Variants in CNOT2 observed in about 807,000 individuals in gnomAD.
CNOT2 encodes the protein CC chemokine receptor 4-negative regulator of transcription 2.
CNOT2 carries 7 observed loss-of-function variants against 72.1 expected under a neutral mutation model. That is an observed-to-expected ratio of 0.10 (90% CI 0.06 to 0.18). The LOEUF is 0.18. Ranked by LOEUF, CNOT2 falls within the 10% of genes least tolerant of loss-of-function variation. The pLI is 1.00. For missense variants in CNOT2, 345 were observed against 660.3 expected (o/e 0.52, Z 5.23); for synonymous variants, 196 against 225.6 (o/e 0.87, Z 1.17).
chr12:70,284,278 T>C (rs547561748), intron 2 of CNOT2, among the ~76,000 whole-genome samples: 2 of 146,492 alleles, frequency 1.4e-5, no homozygotes, highest in African/African-American at 5.1e-5. Flanking sequence ...AGGGTCTCAC[T>C]CTGTCACCCA....
intron 3 of CNOT2, among the ~76,000 whole-genome samples, chr12:70,316,968 T>C (rs1877445864): frequency 6.6e-6 from 1 of 152,212 alleles, no homozygotes; most frequent in Non-Finnish European, 1.5e-5. Flanking sequence ...AAGTGTTTTG[T>C]TTGACAATAT....
At chr12:70,279,707 T>C (rs1184419988) in intron 2 of CNOT2, among the ~76,000 whole-genome samples, 1 of 152,206 alleles carries the variant, frequency 6.6e-6, no homozygotes, top group Non-Finnish European at 1.5e-5. Context: ...ATAATCCAAT[T>C]TGTAAAGTGT....
At chr12:70,294,867 A>T (rs1275290432) in intron 2 of CNOT2, among the ~76,000 whole-genome samples, 4 of 152,222 alleles carry the variant, frequency 2.6e-5, no homozygotes, top group African/African-American at 9.6e-5. Flanking sequence ...GTTAACAAAA[A>T]TAAGTATAGA....
chr12:70,337,389 T>G lies in CNOT2; in HGVS notation c.776T>G (p.Val259Gly). The part of the protein sequence containing the change: ...INPLAGRAPY[V>G]GMVTKPANEQ... ...TCTCCGGATTATTTTCATTACATAG[T>G]TGGAATGGTAACAAAACCAGCAAAT... Residue 259 changes from valine (V) to glycine (G), a missense_variant and splice_region_variant, in exon 9 of 16, where the codon GTT becomes GGT. Val to Gly is a moderately radical substitution (Grantham distance 109). Transcript: ENST00000229195. The G allele has an allele frequency of 6.2e-7, 1 of 1,605,846 alleles. No individual in the cohort carries two copies. The highest frequency in any genetic ancestry group is 8.5e-7 in the Non-Finnish European group (1 of 1,173,388).
intron 1 of CNOT2, among the ~76,000 whole-genome samples, chr12:70,276,790 A>T (rs754065877): frequency 2.0e-5 from 3 of 152,034 alleles, no homozygotes; most frequent in African/African-American, 7.2e-5. Context: ...CAATTTTGTC[A>T]TACAGCCTGA....
intron 2 of CNOT2, among the ~76,000 whole-genome samples, chr12:70,285,162 T>C (rs1206771416): frequency 6.6e-6 from 1 of 152,258 alleles, no homozygotes; most frequent in Middle Eastern, 3.4e-3. Context: ...TTTCTGTGAA[T>C]CAGAGAAAAT....
chr12:70,332,890 A>G (rs751560125), intron 7 of CNOT2, 44 bp downstream of exon 7: 1 of 1,533,716 alleles, frequency 6.5e-7, no homozygotes, highest in Non-Finnish European at 8.7e-7. Flanking sequence ...AGTATGATAG[A>G]TTTATGAAAT....
chr12:70,308,584 T>TCTCTCTCTCTCTCTCTCTCACACACA (rs550679130), intron 2 of CNOT2, among the ~76,000 whole-genome samples: 1 of 133,240 alleles, frequency 7.5e-6, no homozygotes, highest in African/African-American at 2.8e-5. Flanking sequence ...TCTCTCTCTC[T>TCTCTCTCTCTCTCTCTCTCACACACA]CACACACACA....
intron 3 of CNOT2, among the ~76,000 whole-genome samples, chr12:70,312,409 A>G (rs1250169588): frequency 1.3e-5 from 2 of 151,974 alleles, no homozygotes. Flanking sequence ...CATTTATTCT[A>G]ATTAGGAAGA....
At chr12:70,302,734 A>G (rs12312558) in intron 2 of CNOT2, among the ~76,000 whole-genome samples, 36 of 152,196 alleles carry the variant, frequency 2.4e-4, no homozygotes, top group African/African-American at 5.1e-4. Flanking sequence ...TATTAGGTCC[A>G]CTTGGTGCAG....
intron 1 of CNOT2, among the ~76,000 whole-genome samples, chr12:70,260,577 A>G (rs900233478): frequency 2.0e-5 from 3 of 151,988 alleles, no homozygotes; most frequent in African/African-American, 7.2e-5. Context: ...AAACTGTTGT[A>G]TATTTTCAAG....
rs753117706 is a variant in CNOT2 at position 70,310,270 on chromosome 12, T to C, written c.49-625T>C. Among the ~76,000 whole-genome samples, 117 of 152,142 alleles carry C rather than the reference T, an allele frequency of 7.7e-4. 2 individuals are homozygous for C. The highest frequency in any genetic ancestry group is 1.5e-3 in the Non-Finnish European group (100 of 67,904). On this transcript the variant is annotated intron_variant, in intron 2 of 15. Transcript: ENST00000229195. ...GTTGGTGTGAGCTCAAAATTGCTAATGTTGGATGTTACAAAGACTGGAAAA... is the reference window on the plus strand; with the variant it reads ...GTTGGTGTGAGCTCAAAATTGCTAACGTTGGATGTTACAAAGACTGGAAAA...
At chr12:70,270,679 A>C (rs1215761363) in intron 1 of CNOT2, among the ~76,000 whole-genome samples, 1 of 152,076 alleles carries the variant, frequency 6.6e-6, no homozygotes, top group Non-Finnish European at 1.5e-5. Flanking sequence ...TTTTAAACAA[A>C]CCATTATTTT....
intron 2 of CNOT2, among the ~76,000 whole-genome samples, chr12:70,305,003 T>C (rs1423465006): frequency 6.6e-6 from 1 of 152,228 alleles, no homozygotes; most frequent in Non-Finnish European, 1.5e-5. Context: ...GTGTGCCTTT[T>C]GTTAAACCTG....
chr12:70,270,613 A>G (rs1959193644), intron 1 of CNOT2, among the ~76,000 whole-genome samples: 1 of 152,156 alleles, frequency 6.6e-6, no homozygotes, highest in South Asian at 2.1e-4. Flanking sequence ...ATATTAATAT[A>G]TACAGAAATA....
chr12:70,328,756 C>G (rs191092618), intron 4 of CNOT2, among the ~76,000 whole-genome samples: 2 of 150,996 alleles, frequency 1.3e-5, no homozygotes, highest in Admixed American at 6.6e-5. Flanking sequence ...TAGTCCATCC[C>G]CACACCTGGC....
intron 2 of CNOT2, among the ~76,000 whole-genome samples, chr12:70,295,743 TG>T (rs1565779879): frequency 6.6e-6 from 1 of 152,206 alleles, no homozygotes; most frequent in African/African-American, 2.4e-5. Context: ...TTAGTATATG[TG>T]TACTTTTTTC....
chr12:70,327,193 G>A (rs745862813), intron 4 of CNOT2, among the ~76,000 whole-genome samples: 3 of 151,532 alleles, frequency 2.0e-5, no homozygotes, highest in Non-Finnish European at 4.4e-5. Flanking sequence ...TTATGGTGGT[G>A]AATGTGTAGA....
chr12:70,252,452 G>A (rs1243658822), intron 1 of CNOT2, among the ~76,000 whole-genome samples: 1 of 152,130 alleles, frequency 6.6e-6, no homozygotes, highest in African/African-American at 2.4e-5. Flanking sequence ...TTCCCAAAGT[G>A]CTGGGATTAC....
Sources: allele counts gnomAD v4.1 joint callset (sites outside exome capture counted in the v4.1 genomes callset), GRCh38; gene constraint gnomAD v4.1.1; transcripts MANE v1.5; gene names NCBI Gene and HGNC (gene_info 2026-07-23, HGNC 2026-07-21).